Variants in MLF1 observed in about 807,000 individuals in gnomAD.
The protein encoded by MLF1 is myeloid leukemia factor 1, also known as myelodysplasia-myeloid leukemia factor 1.
MLF1 carries 37 observed loss-of-function variants against 38.3 expected under a neutral mutation model. The observed-to-expected ratio is 0.96, with a 90% confidence interval of 0.74 to 1.27. MLF1 has a LOEUF of 1.27. Ranked by LOEUF, MLF1 falls within the 50% of genes most tolerant of loss-of-function variation. The pLI is 0.00. For missense variants in MLF1, 331 were observed against 349.2 expected, an observed-to-expected ratio of 0.95 and a Z score of 0.42; for synonymous variants, 95 against 106.5, an observed-to-expected ratio of 0.89 and a Z score of 0.66.
intron 3 of MLF1, among the ~76,000 whole-genome samples, chr3:158,594,149 CA>C (rs890475062): frequency 1.3e-5 from 2 of 151,184 alleles, no homozygotes; most frequent in African/African-American, 4.9e-5. Context: ...AGACAAATAA[CA>C]AAAAAAAGCA....
At chr3:158,579,976 G>T (rs1327867744) in intron 1 of MLF1, among the ~76,000 whole-genome samples, 3 of 152,150 alleles carry the variant, frequency 2.0e-5, no homozygotes, top group Non-Finnish European at 2.9e-5. Context: ...TTAACCTCAT[G>T]CAGTTACATT....
intron 1 of MLF1, among the ~76,000 whole-genome samples, chr3:158,581,026 A>G (rs1716263359): frequency 6.6e-6 from 1 of 152,276 alleles, no homozygotes; most frequent in South Asian, 2.1e-4. Flanking sequence ...ACAACCTGAG[A>G]AAACAACTTT....
intron 1 of MLF1, among the ~76,000 whole-genome samples, chr3:158,585,606 GA>G (rs1268333285): frequency 6.6e-6 from 1 of 152,118 alleles, no homozygotes; most frequent in Non-Finnish European, 1.5e-5. Context: ...CAGAGATACA[GA>G]AATTAAATTT....
At chr3:158,603,884 A>T (rs2108662033) in intron 7 of MLF1, among the ~76,000 whole-genome samples, 1 of 152,306 alleles carries the variant, frequency 6.6e-6, no homozygotes, top group Non-Finnish European at 1.5e-5. Flanking sequence ...TACATTTTGT[A>T]CATACTCTGG....
At chr3:158,599,480 T>C (rs1719412484) in intron 5 of MLF1, among the ~76,000 whole-genome samples, 1 of 152,186 alleles carries the variant, frequency 6.6e-6, no homozygotes, top group Admixed American at 6.5e-5. Context: ...GTTCTGCTAA[T>C]TAATCTCAGA....
chr3:158,602,567 T>C (rs1719949668), intron 6 of MLF1, among the ~76,000 whole-genome samples: 1 of 152,102 alleles, frequency 6.6e-6, no homozygotes, highest in Non-Finnish European at 1.5e-5. Flanking sequence ...TAATATGTTA[T>C]CCAGGCAGTT....
chr3:158,598,177 C>T lies in MLF1; in HGVS notation c.422C>T (p.Ala141Val), dbSNP rs772368756. 2.5e-6 allele frequency: 4 copies of T among 1,613,658 alleles called. No individual in the cohort carries two copies. Among genetic ancestry groups the T allele is most frequent in the African/African-American group, 1.3e-5 (1 of 74,898 alleles). Residue 141 changes from alanine to valine, a missense_variant, in exon 5 of 8, where the codon GCC becomes GTC. Transcript: ENST00000466246. ...IGDEPPKVFQASTQTRRAPGG... is the reference protein window; with the variant it reads ...IGDEPPKVFQVSTQTRRAPGG... Reference sequence around the variant, plus strand: ...GATGAACCGCCAAAGGTTTTTCAGGCCTCAACTCAAACTCGTCGAGCTCCA... The same window carrying T: ...GATGAACCGCCAAAGGTTTTTCAGGTCTCAACTCAAACTCGTCGAGCTCCA...
chr3:158,590,120 G>GA (rs1459647031), intron 1 of MLF1, among the ~76,000 whole-genome samples: 1 of 152,130 alleles, frequency 6.6e-6, no homozygotes, highest in Non-Finnish European at 1.5e-5. Context: ...CCAAGACTGG[G>GA]AAAAAATTTA....
In MLF1 at chr3:158,600,137, G is replaced by T; in HGVS notation, c.577G>T (p.Glu193Ter). ...KKSKNKKTGD[E>*]EVNQEFINMN... ...GTCAAAGAACAAGAAGACTGGAGAT[G>T]AAGAGGTCAACCAGGAGTTCATCAA... The change falls in exon 6 of 8, where the codon GAA becomes TAA. Residue 193 changes from glutamate (E) to a stop codon, truncating the protein, a stop_gained. Coordinates refer to ENST00000466246, the MANE Select transcript of MLF1 (RefSeq NM_001369783.1). LOFTEE classifies it high-confidence loss of function. 1 of 1,463,154 alleles carries T rather than the reference G, an allele frequency of 6.8e-7. No individual in the cohort carries two copies. Among genetic ancestry groups the T allele is most frequent in the Non-Finnish European group, 9.1e-7 (1 of 1,100,782 alleles). 90.6% of individuals were successfully genotyped at this position (1,463,154 alleles called of 1,614,324 possible). A position where few individuals can be genotyped will look rare whatever the true frequency, so the allele number is the denominator to read the frequency against.
intron 1 of MLF1, among the ~76,000 whole-genome samples, chr3:158,579,126 G>A (rs1445831587): frequency 6.6e-6 from 1 of 152,008 alleles, no homozygotes; most frequent in African/African-American, 2.4e-5. Flanking sequence ...AGTTTGTATA[G>A]CATGACCTTT....
rs192816246 is a variant in MLF1, at chr3:158,588,759, C to T, written c.48-3675C>T. On this transcript the variant is annotated intron_variant, in intron 1 of 7. Coordinates refer to ENST00000466246, the MANE Select transcript of MLF1 (RefSeq NM_001369783.1). ...TAAAAAACAGATATTTATAGATATT[C>T]GCAAAATTTTGAGACCACATTCAGG... 1,561 of 381,888 alleles carry T rather than the reference C, an allele frequency of 4.1e-3. 11 individuals are homozygous for T. The highest frequency in any genetic ancestry group is 0.011 in the Middle Eastern group (31 of 2,720). The allele number at this position is 381,888 out of a possible 1,614,324, so 23.7% of individuals were successfully genotyped here. A position where few individuals can be genotyped will look rare whatever the true frequency, so the allele number is the denominator to read the frequency against.
At chr3:158,601,231 G>A (rs751225207) in intron 6 of MLF1, among the ~76,000 whole-genome samples, 5 of 151,704 alleles carry the variant, frequency 3.3e-5, no homozygotes, top group Admixed American at 2.0e-4. Flanking sequence ...TCATAAGTTC[G>A]AGACCAGCCT....
intron 5 of MLF1, among the ~76,000 whole-genome samples, chr3:158,598,750 A>G (rs1719282628): frequency 6.6e-6 from 1 of 152,140 alleles, no homozygotes; most frequent in African/African-American, 2.4e-5. Flanking sequence ...AAACCTTCTA[A>G]TACATTCCTC....
chr3:158,588,368 A>C (rs1351489755), intron 1 of MLF1, among the ~76,000 whole-genome samples: 1 of 152,182 alleles, frequency 6.6e-6, no homozygotes, highest in Non-Finnish European at 1.5e-5. Flanking sequence ...ATAGATAACT[A>C]ATACATGTTA....
Position 158,602,705 on chromosome 3 carries a change from A to G in MLF1, c.614-102A>G, listed in dbSNP as rs192267822. 2.0e-5 allele frequency: 23 copies of G among 1,131,760 alleles called. No individual in the cohort carries two copies. In the Admixed American group the frequency reaches 5.6e-4, roughly 27 times the overall value. 70.1% of individuals were successfully genotyped at this position (1,131,760 alleles called of 1,614,324 possible). ...CTTCCTGCCTCTGTATTGAGGTTACACTAATGAAAACACCAGACTAGACTG... is the reference window on the plus strand; with the variant it reads ...CTTCCTGCCTCTGTATTGAGGTTACGCTAATGAAAACACCAGACTAGACTG... On this transcript the variant is annotated intron_variant, in intron 6 of 7. Coordinates refer to ENST00000466246, the MANE Select transcript of MLF1 (RefSeq NM_001369783.1).
At chr3:158,591,537 T>C (rs1718143375) in intron 1 of MLF1, among the ~76,000 whole-genome samples, 1 of 152,118 alleles carries the variant, frequency 6.6e-6, no homozygotes, top group Non-Finnish European at 1.5e-5. Context: ...AAGGGTGACC[T>C]AAGAAGAATA....
intron 4 of MLF1, 29 bp from the exon 5 acceptor site, chr3:158,598,051 G>T: frequency 1.2e-6 from 2 of 1,607,028 alleles, no homozygotes; most frequent in South Asian, 2.2e-5. Context: ...TATTTGACTC[G>T]ACTGAATTTA....
intron 3 of MLF1, among the ~76,000 whole-genome samples, chr3:158,595,242 G>C (rs898125864): frequency 6.6e-6 from 1 of 152,084 alleles, no homozygotes; most frequent in Non-Finnish European, 1.5e-5. Flanking sequence ...GGTGATACTT[G>C]AATCATGAGA....
At chr3:158,597,082 G>T in intron 4 of MLF1, 137 bp downstream of exon 4, 1 of 520,136 alleles carries the variant, frequency 1.9e-6, no homozygotes, top group Non-Finnish European at 3.5e-6. Context: ...AGCAATATTT[G>T]TATACTTTAT....
Sources: gnomAD v4.1 joint callset for allele counts (sites outside exome capture counted in the v4.1 genomes callset) on GRCh38, gnomAD v4.1.1 for gene constraint, MANE v1.5 for transcripts, NCBI Gene and HGNC (gene_info 2026-07-23, HGNC 2026-07-21) for gene names.